Variants in CREB5 observed in about 807,000 individuals in gnomAD.
The protein encoded by CREB5 is cAMP responsive element binding protein 5, also known as cyclic AMP-responsive element-binding protein 5.
A neutral mutation model predicts 57.1 loss-of-function variants in CREB5; 19 were observed. That is an observed-to-expected ratio of 0.33 (90% CI 0.23 to 0.49). The LOEUF (loss-of-function observed/expected upper bound fraction) is 0.49. Ranked by LOEUF, CREB5 falls within the 20% of genes least tolerant of loss-of-function variation. The probability of loss-of-function intolerance (pLI) is 0.99; values close to 1 mark genes in which losing one functional copy is unlikely to be tolerated. For synonymous variants in CREB5, 238 were observed against 238.3 expected, an observed-to-expected ratio of 1.00 and a Z score of 0.01; for missense variants, 579 against 671.6, an observed-to-expected ratio of 0.86 and a Z score of 1.52.
rs1808152860 is a variant in CREB5 at position 28,798,093 on chromosome 7, C to G, written c.703-6106C>G. 2.0e-5 allele frequency among the ~76,000 whole-genome samples: 3 copies of G among 152,094 alleles called. No homozygotes were observed. In the South Asian group the frequency reaches 6.2e-4, roughly 32 times the overall value. On this transcript the variant is annotated intron_variant, in intron 7 of 10. Transcript: ENST00000357727. ...AGAGCCTCTTACTTCTGTGGTCAAC[C>G]CAGAAACACTACATTTTGATACTTT...
chr7:28,345,242 G>C (rs1786027179), intron 1 of CREB5, among the ~76,000 whole-genome samples: 1 of 149,328 alleles, frequency 6.7e-6, no homozygotes, highest in African/African-American at 2.5e-5. Flanking sequence ...TATTCTCCAG[G>C]ATAAACCATA....
intron 1 of CREB5, among the ~76,000 whole-genome samples, chr7:28,311,450 C>T (rs528171215): frequency 1.2e-4 from 19 of 152,330 alleles, no homozygotes; most frequent in African/African-American, 4.1e-4. Flanking sequence ...CCCCACTGTC[C>T]TCTCTTCCCT....
At chr7:28,799,221 G>A (rs1808228683) in intron 7 of CREB5, among the ~76,000 whole-genome samples, 1 of 152,148 alleles carries the variant, frequency 6.6e-6, no homozygotes, top group Non-Finnish European at 1.5e-5. Flanking sequence ...GCTGCTCAGA[G>A]GGTAGACTCA....
intron 5 of CREB5, among the ~76,000 whole-genome samples, chr7:28,622,862 TG>T (rs1797857773): frequency 6.6e-6 from 1 of 152,116 alleles, no homozygotes; most frequent in South Asian, 2.1e-4. Context: ...TCTCTATTTT[TG>T]AAAATAATAA....
intron 1 of CREB5, among the ~76,000 whole-genome samples, chr7:28,313,019 G>A (rs1276534756): frequency 6.6e-6 from 1 of 152,222 alleles, no homozygotes; most frequent in African/African-American, 2.4e-5. Context: ...ACCAGTGGTA[G>A]TTTAGGTCGG....
chr7:28,568,870 CT>C (rs1795585931), intron 4 of CREB5, among the ~76,000 whole-genome samples: 1 of 152,200 alleles, frequency 6.6e-6, no homozygotes, highest in South Asian at 2.1e-4. Context: ...GCAGGAAATC[CT>C]TTTCTTTGCC....
At chr7:28,405,413 T>A (rs1253661566) in intron 1 of CREB5, among the ~76,000 whole-genome samples, 3 of 152,094 alleles carry the variant, frequency 2.0e-5, no homozygotes, top group African/African-American at 7.2e-5. Flanking sequence ...AGAGGATTGG[T>A]CTCTTTTCCT....
chr7:28,538,331 G>A (rs1457969514), intron 4 of CREB5, among the ~76,000 whole-genome samples: 2 of 152,230 alleles, frequency 1.3e-5, no homozygotes, highest in African/African-American at 4.8e-5. Flanking sequence ...TGGGATTACA[G>A]ACGTGAGCCA....
intron 4 of CREB5, among the ~76,000 whole-genome samples, chr7:28,510,939 A>G (rs1792677109): frequency 6.6e-6 from 1 of 152,172 alleles, no homozygotes; most frequent in South Asian, 2.1e-4. Flanking sequence ...TCATATCCTG[A>G]AATATATAAG....
At chr7:28,336,595 G>C (rs1785826437) in intron 1 of CREB5, among the ~76,000 whole-genome samples, 1 of 151,350 alleles carries the variant, frequency 6.6e-6, no homozygotes, top group South Asian at 2.1e-4. Flanking sequence ...TTTTTTCTTA[G>C]TTTGGTTAAA....
At chr7:28,407,271 G>A (rs1403305149) in intron 1 of CREB5, among the ~76,000 whole-genome samples, 1 of 152,032 alleles carries the variant, frequency 6.6e-6, no homozygotes, top group Non-Finnish European at 1.5e-5. Context: ...GGCTGGTCTC[G>A]AACTCCTGAC....
intron 5 of CREB5, among the ~76,000 whole-genome samples, chr7:28,606,047 A>T (rs575083438): frequency 1.6e-4 from 24 of 152,328 alleles, no homozygotes; most frequent in Non-Finnish European, 2.8e-4. Flanking sequence ...TTGATTTTTT[A>T]AAAATTGCAA....
chr7:28,517,086 C>T (rs887939053), intron 4 of CREB5, among the ~76,000 whole-genome samples: 5 of 152,124 alleles, frequency 3.3e-5, no homozygotes, highest in African/African-American at 1.2e-4. Context: ...ATGAAGCTTC[C>T]GTTCTAGGCA....
intron 1 of CREB5, among the ~76,000 whole-genome samples, chr7:28,394,932 A>G (rs1056090347): frequency 6.6e-6 from 1 of 152,184 alleles, no homozygotes; most frequent in Non-Finnish European, 1.5e-5. Context: ...ACTTCTTTGA[A>G]TTGGAGTGAC....
intron 5 of CREB5, among the ~76,000 whole-genome samples, chr7:28,653,191 C>G (rs1799211660): frequency 6.6e-6 from 1 of 152,120 alleles, no homozygotes; most frequent in African/African-American, 2.4e-5. Context: ...TCTGGAAGAG[C>G]CATCCATAAA....
intron 1 of CREB5, among the ~76,000 whole-genome samples, chr7:28,334,681 G>C (rs1785785693): frequency 6.6e-6 from 1 of 151,954 alleles, no homozygotes; most frequent in Non-Finnish European, 1.5e-5. Context: ...TTCCTTTGTT[G>C]TGCAGAAGTT....
rs140517416 is a variant in CREB5, at chr7:28,640,251, C to G, written c.464+69714C>G. ...CATAAAAATGTCGTGATGGAGCAAC[C>G]TTTACTGCCCTGCATTGCCTACAGG... On this transcript the variant is annotated intron_variant, in intron 5 of 10. Transcript: ENST00000357727. Among the ~76,000 whole-genome samples the G allele has an allele frequency of 3.1e-4, 47 of 152,294 alleles. No individual in the cohort carries two copies. The East Asian group carries it at 4.2e-3, about 14-fold the overall frequency.
intron 1 of CREB5, among the ~76,000 whole-genome samples, chr7:28,468,178 G>T (rs1790667593): frequency 1.3e-5 from 2 of 152,146 alleles, no homozygotes; most frequent in African/African-American, 4.8e-5. Flanking sequence ...GACATAGGGG[G>T]CTCATTTCTG....
chr7:28,624,998 A>ATTTTTT (rs10603623), intron 5 of CREB5, among the ~76,000 whole-genome samples: 1 of 138,388 alleles, frequency 7.2e-6, no homozygotes, highest in Non-Finnish European at 1.6e-5. Context: ...ACCATGTTGG[A>ATTTTTT]TTTTTTTTTT....
Sources: allele counts gnomAD v4.1 joint callset (sites outside exome capture counted in the v4.1 genomes callset), GRCh38; gene constraint gnomAD v4.1.1; transcripts MANE v1.5; gene names NCBI Gene and HGNC (gene_info 2026-07-23, HGNC 2026-07-21).